Variants in SCARB2 observed in about 807,000 individuals in gnomAD.
SCARB2 encodes lysosome membrane protein 2.
In SCARB2, 29 loss-of-function variants were observed where a neutral mutation model predicts 58.6. The observed-to-expected ratio is 0.49, with a 90% confidence interval of 0.37 to 0.67. The LOEUF is 0.67. Ranked by LOEUF, SCARB2 falls within the 30% of genes least tolerant of loss-of-function variation. The probability of loss-of-function intolerance (pLI) is 0.00; values close to 1 mark genes in which losing one functional copy is unlikely to be tolerated. For synonymous variants in SCARB2, 195 were observed against 210.1 expected (o/e 0.93, Z 0.62); for missense variants, 488 against 578.5 (o/e 0.84, Z 1.60).
chr4:76,180,389 A>AT (rs1340030199), intron 3 of SCARB2: 1 of 152,028 alleles, frequency 6.6e-6, no homozygotes, highest in Admixed American at 6.5e-5. Context: ...AATTAATTTA[A>AT]TTTAAAAAAA....
chr4:76,205,967 T>C (rs955090209), intron 1 of SCARB2, among the ~76,000 whole-genome samples: 3 of 149,622 alleles, frequency 2.0e-5, no homozygotes, highest in Admixed American at 6.6e-5. Context: ...TGCTGTGGTC[T>C]GAATGTTTAT....
At chr4:76,219,375 G>A (rs1733268891) in intron 1 of SCARB2, among the ~76,000 whole-genome samples, 1 of 152,174 alleles carries the variant, frequency 6.6e-6, no homozygotes. Context: ...ATTCTAGTCT[G>A]TTCTCACTTG....
chr4:76,170,487 A>T (rs1205651057), intron 7 of SCARB2, among the ~76,000 whole-genome samples: 1 of 152,172 alleles, frequency 6.6e-6, no homozygotes, highest in Non-Finnish European at 1.5e-5. Flanking sequence ...CAGTAAGTGG[A>T]CTGACTTTTT....
At chr4:76,228,982 T>C (rs962783619) in intron 1 of SCARB2, among the ~76,000 whole-genome samples, 2 of 152,196 alleles carry the variant, frequency 1.3e-5, no homozygotes, top group Non-Finnish European at 2.9e-5. Flanking sequence ...ATTCTTAGGG[T>C]TGGCTGTTTA....
chr4:76,197,189 C>T lies in SCARB2; in HGVS notation c.118-1325G>A, dbSNP rs543861883. 8.5e-5 allele frequency among the ~76,000 whole-genome samples: 13 copies of T among 152,314 alleles called. No individual in the cohort carries two copies. In the East Asian group the frequency reaches 1.9e-3, roughly 23 times the overall value. On this transcript the variant is annotated intron_variant, in intron 1 of 11. Transcript: ENST00000264896. The stretch of plus-strand genomic sequence containing the variant: ...AGCCACCCAGTCTGTTGTATTCATT[C>T]GGGAAGCCCTAGCAAATTAATACAC...
At chr4:76,202,096 T>C (rs894141591) in intron 1 of SCARB2, among the ~76,000 whole-genome samples, 1 of 152,202 alleles carries the variant, frequency 6.6e-6, no homozygotes, top group Non-Finnish European at 1.5e-5. Flanking sequence ...TACCTAGATA[T>C]TATGATAAAT....
chr4:76,174,666 C>T, intron 6 of SCARB2: 7 of 299,354 alleles, frequency 2.3e-5, no homozygotes, highest in South Asian at 2.2e-4. Context: ...CCGGCAAAGC[C>T]AGGGAAGCCA....
chr4:76,215,811 C>A (rs1733196449), upstream of SCARB2, among the ~76,000 whole-genome samples: 1 of 152,132 alleles, frequency 6.6e-6, no homozygotes, highest in South Asian at 2.1e-4. Context: ...CCAGCTGTCC[C>A]TAGCCTTTTG....
chr4:76,199,005 G>A (rs1464163657), intron 1 of SCARB2, among the ~76,000 whole-genome samples: 1 of 152,168 alleles, frequency 6.6e-6, no homozygotes, highest in Non-Finnish European at 1.5e-5. Flanking sequence ...CTCAGAGAAT[G>A]GCAGTTACTA....
intron 7 of SCARB2, chr4:76,172,695 T>C (rs1181870430): frequency 6.6e-6 from 1 of 151,814 alleles, no homozygotes; most frequent in Non-Finnish European, 1.5e-5. Context: ...TTTTTTTTCT[T>C]TTTTAAAAGA....
At chr4:76,181,933 T>C (rs1235792485) in intron 2 of SCARB2, among the ~76,000 whole-genome samples, 2 of 152,152 alleles carry the variant, frequency 1.3e-5, no homozygotes, top group African/African-American at 2.4e-5. Context: ...AGAAAGTTCT[T>C]AGAAAGCGCC....
At chr4:76,214,041 G>A (rs1057072133), upstream of SCARB2, 8 of 287,278 alleles carry the variant, frequency 2.8e-5, no homozygotes, top group Non-Finnish European at 5.5e-5. Flanking sequence ...GCCGCTCCCA[G>A]CGCCCTGCAC....
rs1732059551 is a variant in SCARB2 at position 76,168,393 on chromosome 4, C to G, written c.1187+10G>C. The G allele has an allele frequency of 1.9e-6, 3 of 1,612,612 alleles. No individual in the cohort carries two copies. Among genetic ancestry groups the G allele is most frequent in the Non-Finnish European group, 8.5e-7 (1 of 1,178,640 alleles). ...CTGCTGTCCCCTCCATAGAAAGAAG[C>G]AAAACTTACACAAAGTCATCTAATT... On this transcript the variant is annotated intron_variant, in intron 9 of 11. Transcript: ENST00000264896.
upstream of SCARB2, among the ~76,000 whole-genome samples, chr4:76,216,893 C>T (rs766861684): frequency 3.3e-5 from 5 of 152,228 alleles, no homozygotes; most frequent in African/African-American, 4.8e-5. Context: ...CCCAAAATAG[C>T]AGTCTGTGAT....
intron 1 of SCARB2, among the ~76,000 whole-genome samples, chr4:76,210,515 G>A (rs1005467812): frequency 4.6e-5 from 7 of 152,180 alleles, no homozygotes; most frequent in Non-Finnish European, 8.8e-5. Flanking sequence ...AGGAACTGCT[G>A]GGTCTCTGCA....
At chr4:76,163,588 T>TA (rs1267891350) in intron 10 of SCARB2, 14 of 611,252 alleles carry the variant, frequency 2.3e-5, no homozygotes, top group South Asian at 6.0e-5. Flanking sequence ...ACATTTTTTT[T>TA]ACTCTTAAAA....
chr4:76,172,924 T>C (rs938622176), intron 7 of SCARB2: 1 of 152,126 alleles, frequency 6.6e-6, no homozygotes, highest in African/African-American at 2.4e-5. Context: ...AAAGAGGAAT[T>C]ACAGCCCAAG....
At chr4:76,189,944 T>C (rs1291857707) in intron 2 of SCARB2, among the ~76,000 whole-genome samples, 1 of 151,688 alleles carries the variant, frequency 6.6e-6, no homozygotes, top group African/African-American at 2.4e-5. Context: ...ATTTGGCTGG[T>C]GGGGACACAA....
intron 1 of SCARB2, among the ~76,000 whole-genome samples, chr4:76,231,169 T>G (rs1473297841): frequency 2.0e-5 from 3 of 152,234 alleles, no homozygotes; most frequent in African/African-American, 7.2e-5. Flanking sequence ...GACTGATAGC[T>G]ATAGTTATGC....
Sources: allele counts gnomAD v4.1 joint callset (sites outside exome capture counted in the v4.1 genomes callset), GRCh38; gene constraint gnomAD v4.1.1; transcripts MANE v1.5; gene names NCBI Gene and HGNC (gene_info 2026-07-23, HGNC 2026-07-21).